Variants in PES1 observed in about 807,000 individuals in gnomAD.
PES1 encodes pescadillo ribosomal biogenesis factor 1.
Under a neutral mutation model 77.1 loss-of-function variants are expected in PES1, and 31 were observed. That is an observed-to-expected ratio of 0.40 (90% CI 0.30 to 0.54). The LOEUF (loss-of-function observed/expected upper bound fraction) is 0.54, where lower values mean the gene tolerates loss of function less well. Ranked by LOEUF, PES1 falls within the 20% of genes least tolerant of loss-of-function variation. The probability of loss-of-function intolerance (pLI) is 0.45; values close to 1 mark genes in which losing one functional copy is unlikely to be tolerated. For synonymous variants in PES1, 282 were observed against 303.0 expected (o/e 0.93, Z 0.72); for missense variants, 658 against 771.7 (o/e 0.85, Z 1.75).
In PES1 at chr22:30,588,054, G is replaced by A. The variant is rs368458664; in HGVS notation, c.225C>T (p.His75=). The A allele has an allele frequency of 1.9e-4, 306 of 1,614,120 alleles. 2 individuals carry two copies. In the South Asian group the frequency reaches 3.1e-3, roughly 16 times the overall value. ...YLIKDIRFLL[H]EPIVNKFREY... ...CACGGAACTTGTTGACAATGGGTTC[G>A]TGGAGGAGAAACCTGATGTCTTTGA... Residue 75 remains histidine, a synonymous_variant, in exon 3 of 15, where the codon CAC becomes CAT. Transcript: ENST00000354694.
At chr22:30,581,492 G>A (rs1371216414) in intron 7 of PES1, 36 bp downstream of exon 7, 1 of 1,604,096 alleles carries the variant, frequency 6.2e-7, no homozygotes, top group South Asian at 1.1e-5. Flanking sequence ...TGTGGCCCCT[G>A]CACGGCGAGC....
intron 3 of PES1, among the ~76,000 whole-genome samples, 164 bp downstream of exon 3, chr22:30,587,857 C>G (rs1236290743): frequency 6.6e-6 from 1 of 152,156 alleles, no homozygotes; most frequent in Non-Finnish European, 1.5e-5. Flanking sequence ...GCCAGGTCCT[C>G]CAAACTAACC....
Position 30,584,669 on chromosome 22 carries a change from G to T in PES1, c.417C>A (p.Ser139=). The T allele has an allele frequency of 1.2e-6, 2 of 1,613,936 alleles. No individual in the cohort carries two copies. The highest frequency in any genetic ancestry group is 1.7e-6 in the Non-Finnish European group (2 of 1,180,026). The change falls in exon 5 of 15, where the codon TCC becomes TCA. Residue 139 remains serine (S), a synonymous_variant. Transcript: ENST00000354694. ...DALRDLDDAL[S]MCFLFSTFPR... ...GGAAGGTGGAAAACAGGAAGCACAT[G>T]GAGAGGGCATCGTCCAGGTCCCGCA...
intron 2 of PES1, chr22:30,605,302 T>C (rs984006317): frequency 9.5e-6 from 2 of 210,412 alleles, no homozygotes; most frequent in Non-Finnish European, 1.6e-5. Context: ...GTATTTCTAA[T>C]ATGTATGGGA....
At chr22:30,602,360 C>T (rs1003631678) in intron 2 of PES1, among the ~76,000 whole-genome samples, 13 of 152,046 alleles carry the variant, frequency 8.6e-5, no homozygotes, top group African/African-American at 2.9e-4. Context: ...CCCAGCCATG[C>T]ACAACTGTGA....
At chr22:30,603,172 A>G (rs890733913) in intron 2 of PES1, among the ~76,000 whole-genome samples, 7 of 151,988 alleles carry the variant, frequency 4.6e-5, no homozygotes, top group African/African-American at 1.7e-4. Flanking sequence ...CGGCCTCCCA[A>G]AGGGCTGGGA....
At chr22:30,605,783 A>G (rs1024650348) in intron 1 of PES1, among the ~76,000 whole-genome samples, 3 of 152,216 alleles carry the variant, frequency 2.0e-5, no homozygotes, top group Non-Finnish European at 4.4e-5. Context: ...TAGTTCCGTA[A>G]ACAGACACAC....
chr22:30,591,902 G>GCAAAGGACC lies in PES1; in HGVS notation c.-70_-69insGGTCCTTTG. On this transcript the variant is annotated 5_prime_UTR_variant, in exon 1 of 15. Transcript: ENST00000354694. ...CTCCACTTCCTCCCGCACGTGCCCTGCCAAGGACCCCGAGGACCCTCCCCA... is the reference window on the plus strand; with the variant it reads ...CTCCACTTCCTCCCGCACGTGCCCTGCAAAGGACCCCAAGGACCCCGAGGACCCTCCCCA... 4 of 1,518,490 alleles carry GCAAAGGACC rather than the reference G, an allele frequency of 2.6e-6. No individual in the cohort carries two copies. In the South Asian group the frequency reaches 4.9e-5, roughly 19 times the overall value. The allele number at this position is 1,518,490 out of a possible 1,614,324, so 94.1% of individuals were successfully genotyped here. A position where few individuals can be genotyped will look rare whatever the true frequency, so the allele number is the denominator to read the frequency against.
upstream of PES1, among the ~76,000 whole-genome samples, chr22:30,596,727 G>C (rs1356547181): frequency 1.3e-5 from 2 of 152,230 alleles, no homozygotes; most frequent in African/African-American, 4.8e-5. Context: ...CTCGCTCTCA[G>C]TGCCTCCTCG....
chr22:30,577,097 G>A lies in PES1; in HGVS notation c.1716C>T (p.His572=), dbSNP rs201440159. ...ANKLAEKRKA[H]DEAVRSEKKA... ...TCTTCTCAGACCTCACCGCCTCATC[G>A]TGGGCTTTCCGCTTCTCCGCCAGCT... The change falls in exon 15 of 15, where the codon CAC becomes CAT. Residue 572 remains histidine, a synonymous_variant. Transcript: ENST00000354694. 6.2e-6 allele frequency: 10 copies of A among 1,614,156 alleles called. No homozygotes were observed. The highest frequency in any genetic ancestry group is 3.3e-5 in the Admixed American group (2 of 60,032).
At chr22:30,605,912 T>TG in intron 1 of PES1, among the ~76,000 whole-genome samples, 1 of 152,340 alleles carries the variant, frequency 6.6e-6, no homozygotes, top group East Asian at 1.9e-4. Flanking sequence ...AGATTGTGCA[T>TG]GGAAATGATT....
Position 30,584,595 on chromosome 22 carries a change from A to G in PES1, c.491T>C (p.Leu164Pro). The G allele has an allele frequency of 6.2e-7, 1 of 1,613,352 alleles. No individual in the cohort carries two copies. The highest frequency in any genetic ancestry group is 1.3e-5 in the African/African-American group (1 of 75,020). ...HVQTIQLCRR[L>P]TVEFMHYIIA... Reference sequence around the variant, plus strand: ...AATGTAGTGCATGAACTCCACAGTGAGCCGGCGGCACAGCTGAATGGTCTG... The same window carrying G: ...AATGTAGTGCATGAACTCCACAGTGGGCCGGCGGCACAGCTGAATGGTCTG... The change falls in exon 5 of 15, where the codon CTC becomes CCC. Residue 164 changes from leucine (L) to proline (P), a missense_variant. Transcript: ENST00000354694.
chr22:30,584,004 C>T (rs1444306185), intron 6 of PES1, among the ~76,000 whole-genome samples: 1 of 152,244 alleles, frequency 6.6e-6, no homozygotes, highest in African/African-American at 2.4e-5. Flanking sequence ...CGTGGTGGCA[C>T]CACATGGTGC....
At chr22:30,605,069 C>T (rs62227035) in intron 2 of PES1, among the ~76,000 whole-genome samples, 9,929 of 152,192 alleles carry the variant, frequency 0.065, 465 homozygotes, top group Non-Finnish European at 0.1. Flanking sequence ...TCTCAGCTCA[C>T]TGCAACCTCA....
intron 1 of PES1, 154 bp downstream of exon 1, chr22:30,591,656 G>A (rs1280207115): frequency 1.3e-6 from 1 of 756,048 alleles, no homozygotes; most frequent in Non-Finnish European, 2.1e-6. Flanking sequence ...TGCCATCCTT[G>A]TCCATTCTCG....
chr22:30,589,359 T>C, intron 1 of PES1, 89 bp from the exon 2 acceptor site: 1 of 1,085,352 alleles, frequency 9.2e-7, no homozygotes, highest in Non-Finnish European at 1.4e-6. Flanking sequence ...GAGGCAACTA[T>C]CACTCTGGAT....
intron 2 of PES1, among the ~76,000 whole-genome samples, chr22:30,599,745 C>T (rs1171234575): frequency 1.3e-5 from 2 of 151,860 alleles, no homozygotes; most frequent in African/African-American, 4.8e-5. Flanking sequence ...ACTAAAAATA[C>T]AAAAATTAGC....
chr22:30,583,061 C>A (rs1336508502), intron 6 of PES1, among the ~76,000 whole-genome samples: 2 of 152,162 alleles, frequency 1.3e-5, no homozygotes, highest in Non-Finnish European at 2.9e-5. Flanking sequence ...GCCGGCCCAC[C>A]ACAGGGCCCT....
At chr22:30,578,011 A>G (rs573411360) in intron 14 of PES1, among the ~76,000 whole-genome samples, 4 of 152,214 alleles carry the variant, frequency 2.6e-5, no homozygotes, top group Non-Finnish European at 4.4e-5. Flanking sequence ...GGCTGGGTAC[A>G]GTGGCTCATG....
Sources: gnomAD v4.1 joint callset for allele counts (sites outside exome capture counted in the v4.1 genomes callset) on GRCh38, gnomAD v4.1.1 for gene constraint, MANE v1.5 for transcripts, NCBI Gene and HGNC (gene_info 2026-07-23, HGNC 2026-07-21) for gene names.